The following RNF213 variants were observed in gnomAD, a reference collection of about 807,000 sequenced individuals.
RNF213 encodes the protein E3 ubiquitin-protein ligase RNF213.
Under a neutral mutation model 514.4 loss-of-function variants are expected in RNF213, and 341 were observed. The observed-to-expected ratio is 0.66, with a 90% CI of 0.61 to 0.73. The LOEUF is 0.73. Ranked by LOEUF, RNF213 falls within the 30% of genes least tolerant of loss-of-function variation. The pLI is 0.00. For missense variants in RNF213, 5,767 were observed against 6,615.6 expected, an observed-to-expected ratio of 0.87 and a Z score of 4.45; for synonymous variants, 2,655 against 2,658.2, an observed-to-expected ratio of 1.00 and a Z score of 0.04.
intron 35 of RNF213, 104 bp downstream of exon 35, chr17:80,354,270 T>C (rs1264706544): frequency 6.6e-7 from 1 of 1,513,640 alleles, no homozygotes; most frequent in East Asian, 2.3e-5. Flanking sequence ...CAGGTTTCCA[T>C]GGCTCAGCAG....
At chr17:80,308,763 G>A (rs1049485604) in intron 13 of RNF213, among the ~76,000 whole-genome samples, 1 of 152,020 alleles carries the variant, frequency 6.6e-6, no homozygotes, top group Non-Finnish European at 1.5e-5. Context: ...ATCTTGGAAC[G>A]CACTGAGGAG....
chr17:80,275,742 A>G (rs1474794629), intron 3 of RNF213, among the ~76,000 whole-genome samples: 1 of 152,014 alleles, frequency 6.6e-6, no homozygotes, highest in Non-Finnish European at 1.5e-5. Flanking sequence ...GCTCAACTGC[A>G]ACCTTTGCCT....
intron 39 of RNF213, 30 bp downstream of exon 39, chr17:80,361,918 G>C: frequency 6.2e-7 from 1 of 1,604,382 alleles, no homozygotes; most frequent in Non-Finnish European, 8.5e-7. Flanking sequence ...CTAAGGGTCA[G>C]GTGTAGAGCT....
chr17:80,327,035 A>T (rs957411910), intron 18 of RNF213, among the ~76,000 whole-genome samples: 3 of 152,218 alleles, frequency 2.0e-5, no homozygotes, highest in African/African-American at 7.2e-5. Flanking sequence ...ACAGAGTATA[A>T]AGTTATCACA....
intron 22 of RNF213, among the ~76,000 whole-genome samples, chr17:80,335,043 T>G (rs970067214): frequency 4.0e-5 from 6 of 151,690 alleles, no homozygotes; most frequent in Non-Finnish European, 7.4e-5. Context: ...TGTCTCAGTC[T>G]CCTGAGTAGC....
At chr17:80,392,080 TCTTGTGCTTTCACATA>T (rs2080498535) in intron 67 of RNF213, among the ~76,000 whole-genome samples, 1 of 152,060 alleles carries the variant, frequency 6.6e-6, no homozygotes, top group Non-Finnish European at 1.5e-5. Context: ...TCCTCTCTCT[TCTTGTGCTTTCACATA>T]CTTGTTTTAT....
At chr17:80,354,764 A>G (rs1317458510) in intron 36 of RNF213, 188 bp downstream of exon 36, 7 of 695,418 alleles carry the variant, frequency 1.0e-5, no homozygotes, top group Non-Finnish European at 1.7e-5. Context: ...GCCAAATGGC[A>G]GGTGCTGGAC....
Position 80,337,923 on chromosome 17 carries a change from G to A in RNF213, c.4759G>A (p.Glu1587Lys), listed in dbSNP as rs1393272016. ...AGAGTACTCTTTAGAGGAGGTGAAG[G>A]AGCTTTTGAACAAGTTGATGCTGAT... ...SREYSLEEVK[E>K]LLNKLMLMSG... Residue 1587 changes from glutamate (E) to lysine (K), a missense_variant, in exon 25 of 68, where the codon GAG (glutamate) becomes AAG (lysine). This residue lies in a region of RNF213 where 1,377 missense variants were observed against 1,635.2 expected (regional missense o/e 0.84). Coordinates refer to ENST00000582970, the MANE Select transcript of RNF213 (RefSeq NM_001256071.3). 6.5e-7 allele frequency: 1 copy of A among 1,537,162 alleles called. No individual in the cohort carries two copies. Among genetic ancestry groups the A allele is most frequent in the African/African-American group, 1.4e-5 (1 of 73,034 alleles).
intron 36 of RNF213, chr17:80,354,877 C>T (rs1039206980): frequency 4.6e-6 from 2 of 434,798 alleles, no homozygotes; most frequent in African/African-American, 4.0e-5. Context: ...ATGTTGATAA[C>T]CCTAGAAAGG....
intron 39 of RNF213, 44 bp downstream of exon 39, chr17:80,361,932 A>G: frequency 1.9e-6 from 3 of 1,592,944 alleles, no homozygotes; most frequent in Non-Finnish European, 2.6e-6. Context: ...TAGAGCTTGC[A>G]TGATGGGGAC....
At chr17:80,297,360 G>C (rs561531462) in intron 10 of RNF213, among the ~76,000 whole-genome samples, 1 of 151,472 alleles carries the variant, frequency 6.6e-6, no homozygotes, top group Admixed American at 6.6e-5. Context: ...TGAGGCAGGA[G>C]AATCACGTGA....
chr17:80,289,608 A>AAAAT, intron 5 of RNF213, 51 bp from the exon 6 acceptor site: 1 of 1,570,028 alleles, frequency 6.4e-7, no homozygotes, highest in Non-Finnish European at 8.7e-7. Flanking sequence ...AAAAAAAAAA[A>AAAAT]GAAAATGTGG....
chr17:80,369,703 C>G (rs1419943541), intron 45 of RNF213, 32 bp downstream of exon 45: 1 of 1,614,086 alleles, frequency 6.2e-7, no homozygotes, highest in East Asian at 2.2e-5. Context: ...AACCTAGCCC[C>G]TCATTTCTTC....
chr17:80,358,931 C>T (rs974040192), intron 37 of RNF213, among the ~76,000 whole-genome samples: 2 of 152,078 alleles, frequency 1.3e-5, no homozygotes, highest in African/African-American at 4.8e-5. Flanking sequence ...AGGAAGTTTA[C>T]GAAGCTCTGA....
intron 58 of RNF213, 46 bp from the exon 59 acceptor site, chr17:80,383,631 G>C: frequency 6.2e-7 from 1 of 1,606,228 alleles, no homozygotes; most frequent in South Asian, 1.1e-5. Context: ...TCTGTTTGTA[G>C]CAATACCTCA....
At chr17:80,313,870 A>T (rs1441894641) in intron 15 of RNF213, among the ~76,000 whole-genome samples, 8 of 52,188 alleles carry the variant, frequency 1.5e-4, no homozygotes, top group Non-Finnish European at 2.0e-4. Context: ...GTGGTGGTGA[A>T]GGTGATGGTG....
intron 49 of RNF213, 45 bp from the exon 50 acceptor site, chr17:80,374,413 G>A (rs1355499632): frequency 6.2e-7 from 1 of 1,613,406 alleles, no homozygotes; most frequent in Non-Finnish European, 8.5e-7. Flanking sequence ...TTCTTTGCAA[G>A]ACATTCCTCC....
In RNF213 at chr17:80,339,655, A is replaced by T; in HGVS notation, c.5288A>T (p.Glu1763Val). 1 of 1,537,158 alleles carries T rather than the reference A, an allele frequency of 6.5e-7. No individual in the cohort carries two copies. The highest frequency in any genetic ancestry group is 8.7e-7 in the Non-Finnish European group (1 of 1,146,876). The change falls in exon 26 of 68, where the codon GAG becomes GTG. Residue 1763 changes from glutamate to valine, a missense_variant. Glu to Val is a moderately radical substitution (Grantham distance 121, BLOSUM62 -2). Around this residue, in one of 13 missense-constraint regions of RNF213, gnomAD observed 1,377 missense variants for 1,635.2 expected, o/e 0.84. Transcript: ENST00000582970. ...ARYRMRRVMEELPLMLLSEFS... is the reference protein window; with the variant it reads ...ARYRMRRVMEVLPLMLLSEFS... ...TACCGCATGAGGAGAGTCATGGAAG[A>T]GCTCCCGCTGATGCTCTTATCAGAG... is the stretch of plus-strand genomic sequence containing the variant.
chr17:80,362,132 A>G (rs1037314724), intron 39 of RNF213, among the ~76,000 whole-genome samples: 1 of 152,230 alleles, frequency 6.6e-6, no homozygotes, highest in Non-Finnish European at 1.5e-5. Flanking sequence ...GAACATGAGA[A>G]GACCTCCAAT....
Sources: allele counts gnomAD v4.1 joint callset (sites outside exome capture counted in the v4.1 genomes callset), GRCh38; gene constraint gnomAD v4.1.1; regional missense constraint gnomAD v4.1.1; transcripts MANE v1.5; gene names NCBI Gene and HGNC (gene_info 2026-07-23, HGNC 2026-07-21).